RNF43: variants seen among roughly 807,000 people sequenced by gnomAD.
The protein encoded by RNF43 is ring finger protein 43, also known as E3 ubiquitin-protein ligase RNF43.
A neutral mutation model predicts 78.4 loss-of-function variants in RNF43; 37 were observed. The observed-to-expected ratio is 0.47, with a 90% CI of 0.36 to 0.62. The LOEUF is 0.62. RNF43 is among the 20% of genes least tolerant of loss of function. RNF43 has a pLI of 0.00. For synonymous variants in RNF43, 347 were observed against 395.0 expected (o/e 0.88, Z 1.44); for missense variants, 774 against 1,007.9 (o/e 0.77, Z 3.14).
At position 58,369,095 on chromosome 17, in the gene RNF43, A is replaced by G. The variant is rs544837299; in HGVS notation, c.375+1816T>C. On this transcript the variant is annotated intron_variant, in intron 3 of 9. Coordinates refer to ENST00000407977, the MANE Select transcript of RNF43 (RefSeq NM_017763.6). ...CACACACACACACACACACACACGC[A>G]CACACACACACACTCACTATGTAAT... 9.1e-3 allele frequency among the ~76,000 whole-genome samples: 1,365 copies of G among 149,930 alleles called. 7 individuals carry two copies. The highest frequency in any genetic ancestry group is 0.032 in the African/African-American group (1,293 of 40,280).
chr17:58,383,168 A>C (rs573282862), intron 2 of RNF43, among the ~76,000 whole-genome samples: 1 of 152,222 alleles, frequency 6.6e-6, no homozygotes, highest in Non-Finnish European at 1.5e-5. Flanking sequence ...ACTCTGGATA[A>C]TATTCCATAT....
At chr17:58,372,808 A>C (rs996373549) in intron 2 of RNF43, among the ~76,000 whole-genome samples, 1 of 152,218 alleles carries the variant, frequency 6.6e-6, no homozygotes, top group African/African-American at 2.4e-5. Context: ...TGTTCACCTC[A>C]GGGACCAATG....
intron 2 of RNF43, among the ~76,000 whole-genome samples, chr17:58,403,608 T>A (rs1033517384): frequency 5.3e-5 from 8 of 152,104 alleles, no homozygotes; most frequent in African/African-American, 1.9e-4. Flanking sequence ...CTTCTCTTTT[T>A]TTTTGCCAGC....
In RNF43 at chr17:58,358,550, T is replaced by C. The variant is rs766444227; in HGVS notation, c.1226A>G (p.Gln409Arg). The C allele has an allele frequency of 1.2e-6, 2 of 1,611,360 alleles. No individual in the cohort carries two copies. Among genetic ancestry groups the C allele is most frequent in the Admixed American group, 3.3e-5 (2 of 59,750 alleles). Residue 409 changes from glutamine to arginine, a missense_variant, in exon 9 of 10, where the codon CAG (glutamine) becomes CGG (arginine). Physicochemically the swap from Gln to Arg is conservative, Grantham distance 43 (BLOSUM62 1). Coordinates refer to ENST00000407977, the MANE Select transcript of RNF43 (RefSeq NM_017763.6). This position sits in a 1 kb window ranked among gnomAD's most constrained non-coding sequence, Gnocchi z 6.2. ...TCCCCAGCCTTGTGCATAGGGGTGC[T>C]GGGCTCCTGCCAGGCGCTGCTGCTC... ...PGEQQRLAGA[Q>R]HPYAQGWGLS...
chr17:58,361,803 G>A (rs1972839165), intron 6 of RNF43, among the ~76,000 whole-genome samples: 1 of 152,146 alleles, frequency 6.6e-6, no homozygotes, highest in African/African-American at 2.4e-5. Flanking sequence ...TGCATTTACT[G>A]TTCTCTCTGC....
chr17:58,412,030 T>C (rs1373373693), intron 2 of RNF43, among the ~76,000 whole-genome samples: 2 of 152,140 alleles, frequency 1.3e-5, no homozygotes, highest in African/African-American at 4.8e-5. Context: ...GCCAGGTAAT[T>C]AGGAGATCTG....
At chr17:58,370,830 G>A (rs2143511935) in intron 3 of RNF43, 81 bp downstream of exon 3, 23 of 1,384,418 alleles carry the variant, frequency 1.7e-5, no homozygotes, top group Non-Finnish European at 2.0e-5. Flanking sequence ...AGGAAACATG[G>A]GGACAAGAGA....
rs1323493161 is a variant in RNF43, at chr17:58,353,735, G to A, written c.*1208C>T. The A allele has an allele frequency of 9.5e-6, 2 of 210,222 alleles. No individual in the cohort carries two copies. Among genetic ancestry groups the A allele is most frequent in the East Asian group, 7.1e-5 (1 of 14,036 alleles). 13.0% of individuals were successfully genotyped at this position (210,222 alleles called of 1,614,324 possible). A position where few individuals can be genotyped will look rare whatever the true frequency, so the allele number is the denominator to read the frequency against. ...TCTTAACATAGTGCCTGATTCAAGCGTCTGTCTGGTTCAGATATAAATACC... is the reference window on the plus strand; with the variant it reads ...TCTTAACATAGTGCCTGATTCAAGCATCTGTCTGGTTCAGATATAAATACC... On this transcript the variant is annotated 3_prime_UTR_variant, in exon 10 of 10. Transcript: ENST00000407977.
intron 2 of RNF43, among the ~76,000 whole-genome samples, chr17:58,395,667 G>C (rs1321091990): frequency 2.6e-5 from 4 of 152,170 alleles, no homozygotes; most frequent in Non-Finnish European, 5.9e-5. Context: ...TTGTTTTGCA[G>C]CTTGACAAAA....
chr17:58,386,786 T>C (rs1273131071), intron 2 of RNF43, among the ~76,000 whole-genome samples: 1 of 152,200 alleles, frequency 6.6e-6, no homozygotes, highest in Middle Eastern at 3.2e-3. Flanking sequence ...TTTGTATCTA[T>C]GTGTGGTAAT....
chr17:58,413,851 C>T (rs1276171914), intron 2 of RNF43, among the ~76,000 whole-genome samples: 2 of 152,122 alleles, frequency 1.3e-5, no homozygotes, highest in African/African-American at 2.4e-5. Flanking sequence ...CAATAAGGCA[C>T]GTATGGCTCT....
At chr17:58,376,586 A>C (rs1030674137) in intron 2 of RNF43, among the ~76,000 whole-genome samples, 5 of 152,306 alleles carry the variant, frequency 3.3e-5, no homozygotes, top group Non-Finnish European at 4.4e-5. Flanking sequence ...GGTATAACAC[A>C]GGGGCTGTCT....
intron 2 of RNF43, among the ~76,000 whole-genome samples, chr17:58,383,645 C>T (rs1053834860): frequency 2.0e-5 from 3 of 151,564 alleles, no homozygotes; most frequent in Non-Finnish European, 4.4e-5. Flanking sequence ...GTGTTTTTTT[C>T]TTTTTTCTGT....
At chr17:58,413,628 G>A (rs2632511) in intron 2 of RNF43, among the ~76,000 whole-genome samples, 22,517 of 152,118 alleles carry the variant, frequency 0.15, 2,019 homozygotes, top group Middle Eastern at 0.21. Context: ...ATTTGCCAGA[G>A]TGAGAAAAAC....
chr17:58,382,693 C>G (rs1391605264), intron 2 of RNF43, among the ~76,000 whole-genome samples: 1 of 152,210 alleles, frequency 6.6e-6, no homozygotes, highest in Non-Finnish European at 1.5e-5. Context: ...AAAGCAACAG[C>G]CTTCTGCCCC....
chr17:58,411,936 A>C (rs1034871181), intron 2 of RNF43, among the ~76,000 whole-genome samples: 1 of 152,222 alleles, frequency 6.6e-6, no homozygotes, highest in Non-Finnish European at 1.5e-5. Context: ...CAATGGTATA[A>C]ACCAGGAGAG....
At position 58,363,612 on chromosome 17, in the gene RNF43, C is replaced by A. The variant is rs1972889472; in HGVS notation, c.376-12G>T. On this transcript the variant is annotated splice_polypyrimidine_tract_variant and intron_variant, in intron 3 of 9. Transcript: ENST00000407977. ...CCCGCCATCCGAGCCTGCAGAGGCA[C>A]ACAGTAGAGGTTGGGCTGAGGTCAG... 1 of 1,608,308 alleles carries A rather than the reference C, an allele frequency of 6.2e-7. No individual in the cohort carries two copies. Among genetic ancestry groups the A allele is most frequent in the South Asian group, 1.1e-5 (1 of 90,386 alleles).
intron 2 of RNF43, among the ~76,000 whole-genome samples, chr17:58,408,438 G>A (rs7221205): frequency 0.26 from 39,876 of 152,040 alleles, 5,983 homozygotes; most frequent in African/African-American, 0.4. Flanking sequence ...TACTAAGAAG[G>A]TAAGGTCCTT....
chr17:58,386,326 T>C (rs1172572980), intron 2 of RNF43, among the ~76,000 whole-genome samples: 2 of 151,980 alleles, frequency 1.3e-5, no homozygotes, highest in Non-Finnish European at 2.9e-5. Context: ...CTTGGGAGGC[T>C]GAGGCAGGAG....
Sources: allele counts gnomAD v4.1 joint callset (sites outside exome capture counted in the v4.1 genomes callset), GRCh38; gene constraint gnomAD v4.1.1; non-coding constraint Gnocchi (gnomAD v3.1); transcripts MANE v1.5; gene names NCBI Gene and HGNC (gene_info 2026-07-23, HGNC 2026-07-21).